GSE1: variants seen among roughly 807,000 people sequenced by gnomAD.
GSE1 encodes Gse1 coiled-coil protein, also known as genetic suppressor element 1.
A neutral mutation model predicts 112.6 loss-of-function variants in GSE1; 32 were observed. The observed-to-expected ratio is 0.28, with a 90% CI of 0.21 to 0.38. GSE1 has a LOEUF of 0.38. Among genes scored for constraint, GSE1 ranks in the 10% least tolerant of loss-of-function variants. The probability of loss-of-function intolerance (pLI) is 1.00; values close to 1 mark genes in which losing one functional copy is unlikely to be tolerated. For missense variants in GSE1, 2,348 were observed against 1,699.2 expected (o/e 1.38, Z -6.71); for synonymous variants, 1,115 against 735.6 (o/e 1.52, Z -8.35).
At chr16:85,651,470 G>C (rs1367865579) in intron 3 of GSE1, among the ~76,000 whole-genome samples, 2 of 152,212 alleles carry the variant, frequency 1.3e-5, no homozygotes, top group African/African-American at 4.8e-5. Context: ...TGGCCTGCGA[G>C]CAGGGCTTTG....
In GSE1 at chr16:85,322,913, G is replaced by C. The variant is rs1394541161; in HGVS notation, c.2284-34550G>C. On this transcript the variant is annotated intron_variant, in intron 1 of 2. Coordinates refer to the GSE1 transcript ENST00000637419. The stretch of plus-strand genomic sequence containing the variant: ...TTACAGGCATGAGCCACCACGCCCA[G>C]CCTCCGTTTTGCTTTTGAGGAAACT... Among the ~76,000 whole-genome samples, 3 of 152,296 alleles carry C rather than the reference G, an allele frequency of 2.0e-5. No homozygotes were observed. In the East Asian group the frequency reaches 5.8e-4, roughly 29 times the overall value.
chr16:85,426,408 G>C (rs576122683), intron 2 of GSE1, among the ~76,000 whole-genome samples: 2 of 145,714 alleles, frequency 1.4e-5, no homozygotes, highest in Non-Finnish European at 3.0e-5. Flanking sequence ...GAATGTGGAT[G>C]GATGGATGAG....
intron 1 of GSE1, among the ~76,000 whole-genome samples, chr16:85,191,489 A>G (rs1362964159): frequency 3.3e-5 from 5 of 152,164 alleles, no homozygotes; most frequent in Non-Finnish European, 7.3e-5. Context: ...TGCTGTAGGA[A>G]TTTTGGAAAG....
At chr16:85,445,334 C>G (rs568073052) in intron 2 of GSE1, among the ~76,000 whole-genome samples, 4 of 152,344 alleles carry the variant, frequency 2.6e-5, no homozygotes, top group African/African-American at 9.6e-5. Context: ...AGCGAACCCC[C>G]CCACTCTGCA....
intron 2 of GSE1, among the ~76,000 whole-genome samples, chr16:85,428,601 G>A (rs1366411234): frequency 6.6e-6 from 1 of 152,232 alleles, no homozygotes; most frequent in Non-Finnish European, 1.5e-5. Flanking sequence ...GGTTTCTGGA[G>A]TGGGCAGGTG....
At chr16:85,403,838 C>T (rs2048177232) in intron 2 of GSE1, among the ~76,000 whole-genome samples, 1 of 152,124 alleles carries the variant, frequency 6.6e-6, no homozygotes, top group Admixed American at 6.5e-5. Context: ...ATGTATTCTG[C>T]CACAGTCTGG....
chr16:85,381,992 G>A (rs973973195), intron 2 of GSE1, among the ~76,000 whole-genome samples: 7 of 152,358 alleles, frequency 4.6e-5, no homozygotes, highest in East Asian at 3.9e-4. Context: ...AATAACAGGC[G>A]TGCAGGCTGT....
Position 85,545,931 on chromosome 16 carries a change from C to T in GSE1, c.2465-87983C>T, listed in dbSNP as rs551984756. 5.9e-5 allele frequency among the ~76,000 whole-genome samples: 9 copies of T among 151,870 alleles called. No homozygotes were observed. In the South Asian group the frequency reaches 6.2e-4, roughly 11 times the overall value. On this transcript the variant is annotated intron_variant, in intron 2 of 2. Transcript: ENST00000637419. ...CCGAGTAGCTGGGACTACAGGCGCC[C>T]GCCACCACACTCGGCTAATTGTTTT...
intron 1 of GSE1, among the ~76,000 whole-genome samples, chr16:85,228,175 C>A (rs536786526): frequency 1.3e-5 from 2 of 152,220 alleles, no homozygotes; most frequent in African/African-American, 2.4e-5. Context: ...GTCCCGGCCC[C>A]CGCCGGAGGA....
chr16:85,382,597 G>T (rs1465068508), intron 2 of GSE1, among the ~76,000 whole-genome samples: 1 of 152,180 alleles, frequency 6.6e-6, no homozygotes, highest in Non-Finnish European at 1.5e-5. Context: ...CCCACACCCG[G>T]AGATGCTGGG....
intron 1 of GSE1, among the ~76,000 whole-genome samples, chr16:85,619,309 G>T (rs2048577371): frequency 6.6e-6 from 1 of 152,140 alleles, no homozygotes; most frequent in Admixed American, 6.5e-5. Context: ...AGCAATGAAG[G>T]GTATCGACCG....
chr16:85,496,514 G>T lies in GSE1; in HGVS notation c.2465-137400G>T, dbSNP rs75692326. Among the ~76,000 whole-genome samples the T allele has an allele frequency of 3.5e-4, 53 of 152,278 alleles. 1 individual carries two copies. The highest frequency in any genetic ancestry group is 3.1e-3 in the Admixed American group (47 of 15,308). Reference sequence around the variant, plus strand: ...GCAGCCCGGGTGGCCTCGGTGCGGCGTGTCTGCGGAGTGGCAGCCAGGCCA... The same window carrying T: ...GCAGCCCGGGTGGCCTCGGTGCGGCTTGTCTGCGGAGTGGCAGCCAGGCCA... On this transcript the variant is annotated intron_variant, in intron 2 of 2. Coordinates refer to the GSE1 transcript ENST00000637419.
intron 1 of GSE1, among the ~76,000 whole-genome samples, chr16:85,262,991 G>A (rs1431985817): frequency 1.3e-5 from 2 of 152,238 alleles, no homozygotes; most frequent in African/African-American, 4.8e-5. Context: ...GCTTCTAGCA[G>A]GGAAGGAGAC....
chr16:85,650,601 C>T (rs2051252658), intron 3 of GSE1, among the ~76,000 whole-genome samples: 2 of 152,220 alleles, frequency 1.3e-5, no homozygotes, highest in South Asian at 4.1e-4. Flanking sequence ...TGAGCTACCC[C>T]AGAGCAGAGC....
chr16:85,342,586 T>C (rs1481618137), intron 1 of GSE1, among the ~76,000 whole-genome samples: 2 of 152,110 alleles, frequency 1.3e-5, no homozygotes, highest in Non-Finnish European at 2.9e-5. Context: ...TTCCTCCTCC[T>C]CAGAGCGCAT....
At chr16:85,408,622 CT>C (rs1441079634) in intron 2 of GSE1, among the ~76,000 whole-genome samples, 1 of 31,648 alleles carries the variant, frequency 3.2e-5, no homozygotes, top group Non-Finnish European at 6.3e-5. Context: ...TCAGGCCCCC[CT>C]GGATAATCCT....
intron 1 of GSE1, among the ~76,000 whole-genome samples, chr16:85,242,611 C>T (rs927153892): frequency 2.1e-4 from 32 of 152,322 alleles, no homozygotes; most frequent in African/African-American, 6.5e-4. Flanking sequence ...CTTGAGGGAG[C>T]AGCCCCTGCC....
In GSE1 at chr16:85,246,234, C is replaced by CACACAA. The variant is rs1555546398; in HGVS notation, c.2283+74431_2283+74432insAAACAC. 4.2e-5 allele frequency among the ~76,000 whole-genome samples: 6 copies of CACACAA among 141,882 alleles called. No individual in the cohort carries two copies. In the East Asian group the frequency reaches 1.1e-3, roughly 25 times the overall value. The allele number at this position is 141,882 out of a possible 152,430, so 93.1% of individuals were successfully genotyped here. A position where few individuals can be genotyped will look rare whatever the true frequency, so the allele number is the denominator to read the frequency against. On this transcript the variant is annotated intron_variant, in intron 1 of 2. Coordinates refer to the GSE1 transcript ENST00000637419. ...ACACACACACACACACACACACACA[C>CACACAA]ACACGCACACCACACGCTGTCTACA...
intron 2 of GSE1, among the ~76,000 whole-genome samples, chr16:85,639,110 C>T (rs956620459): frequency 2.0e-5 from 3 of 152,228 alleles, no homozygotes; most frequent in Admixed American, 6.5e-5. Context: ...CAGTCTGAGC[C>T]GAGGCGTCCC....
Sources: gnomAD v4.1 joint callset for allele counts (sites outside exome capture counted in the v4.1 genomes callset) on GRCh38, gnomAD v4.1.1 for gene constraint, MANE v1.5 for transcripts, NCBI Gene and HGNC (gene_info 2026-07-23, HGNC 2026-07-21) for gene names.